The following NRG3 variants were observed in gnomAD, a reference collection of about 807,000 sequenced individuals.
NRG3 encodes pro-neuregulin-3, membrane-bound isoform.
NRG3 carries 31 observed loss-of-function variants against 66.9 expected under a neutral mutation model. The observed-to-expected ratio is 0.46, with a 90% CI of 0.35 to 0.63. The LOEUF (loss-of-function observed/expected upper bound fraction) is 0.63, where lower values mean the gene tolerates loss of function less well. NRG3 is among the 20% of genes least tolerant of loss of function. The probability of loss-of-function intolerance (pLI) is 0.00; values close to 1 mark genes in which losing one functional copy is unlikely to be tolerated. For synonymous variants in NRG3, 393 were observed against 359.4 expected, an observed-to-expected ratio of 1.09 and a Z score of -1.06; for missense variants, 910 against 878.9, an observed-to-expected ratio of 1.04 and a Z score of -0.45.
intron 1 of NRG3, among the ~76,000 whole-genome samples, chr10:82,187,085 A>T (rs1290850779): frequency 6.6e-6 from 1 of 152,200 alleles, no homozygotes; most frequent in Non-Finnish European, 1.5e-5. Context: ...GTTTATTTTC[A>T]TATATTTAGT....
At chr10:82,158,060 T>C (rs1035413610) in intron 1 of NRG3, among the ~76,000 whole-genome samples, 5 of 151,694 alleles carry the variant, frequency 3.3e-5, no homozygotes, top group Admixed American at 6.6e-5. Flanking sequence ...AAAACACTCC[T>C]ATCAAGGTAG....
At position 82,453,175 on chromosome 10, in the gene NRG3, CAT is replaced by C. The variant is rs370667072; in HGVS notation, c.953+94308_953+94309del. Among the ~76,000 whole-genome samples the C allele has an allele frequency of 6.4e-4, 98 of 152,182 alleles. 1 individual carries two copies. Among genetic ancestry groups the C allele is most frequent in the African/African-American group, 2.2e-3 (91 of 41,522 alleles). On this transcript the variant is annotated intron_variant, in intron 2 of 8. Transcript: ENST00000372141. ...TATATGGGATTATATACACAAAAAA[CAT>C]GTGAGCTGAAAAATGCTACACAGAT...
At chr10:82,721,433 C>A (rs948393050) in intron 2 of NRG3, among the ~76,000 whole-genome samples, 1 of 149,880 alleles carries the variant, frequency 6.7e-6, no homozygotes, top group South Asian at 2.1e-4. Flanking sequence ...CCACCGCGCC[C>A]GGCCTTGAAA....
At chr10:82,930,655 A>G (rs12766733) in intron 4 of NRG3, among the ~76,000 whole-genome samples, 1 of 152,142 alleles carries the variant, frequency 6.6e-6, no homozygotes, top group Admixed American at 6.6e-5. Flanking sequence ...AGTTTTTTCC[A>G]TATTTTCTTT....
intron 1 of NRG3, among the ~76,000 whole-genome samples, chr10:81,991,477 A>G (rs2060737819): frequency 1.3e-5 from 2 of 152,164 alleles, no homozygotes; most frequent in African/African-American, 2.4e-5. Context: ...ATGTGAGTCT[A>G]TGGTAGAATA....
intron 3 of NRG3, among the ~76,000 whole-genome samples, chr10:82,749,568 G>A (rs988627364): frequency 2.0e-5 from 3 of 152,102 alleles, no homozygotes; most frequent in Non-Finnish European, 2.9e-5. Flanking sequence ...AGTTTTTGTA[G>A]TGTATTTCTA....
At chr10:82,232,838 C>A in intron 1 of NRG3, 1 of 717,168 alleles carries the variant, frequency 1.4e-6, no homozygotes, top group Non-Finnish European at 2.6e-6. Flanking sequence ...TAAGGCATGG[C>A]CTTTGTTGGG....
In NRG3 at chr10:82,541,312, T is replaced by C. The variant is rs112572673; in HGVS notation, c.953+182444T>C. ...TATGTAAATATATATACTCATCTTG[T>C]AGCAGGACGATCCACAGACAAGAAC... On this transcript the variant is annotated intron_variant, in intron 2 of 8. Transcript: ENST00000372141. 4.2e-3 allele frequency among the ~76,000 whole-genome samples: 639 copies of C among 152,304 alleles called. 5 individuals carry two copies. The highest frequency in any genetic ancestry group is 0.015 in the African/African-American group (621 of 41,574).
intron 1 of NRG3, among the ~76,000 whole-genome samples, chr10:82,194,852 A>G (rs543903196): frequency 1.2e-3 from 178 of 152,296 alleles, no homozygotes; most frequent in Non-Finnish European, 2.4e-3. Flanking sequence ...AGACTAAGGA[A>G]GACATATAGG....
intron 2 of NRG3, among the ~76,000 whole-genome samples, chr10:82,540,219 A>T (rs2043443894): frequency 6.6e-6 from 1 of 150,912 alleles, no homozygotes; most frequent in Admixed American, 6.6e-5. Flanking sequence ...TATCCCAGTT[A>T]TCCATGGGAT....
At chr10:82,284,994 G>A (rs916437879) in intron 1 of NRG3, among the ~76,000 whole-genome samples, 2 of 152,086 alleles carry the variant, frequency 1.3e-5, no homozygotes, top group Non-Finnish European at 1.5e-5. Flanking sequence ...ATCCCATGAG[G>A]CCATATTTAT....
At chr10:82,800,450 A>G (rs2060989017) in intron 3 of NRG3, among the ~76,000 whole-genome samples, 1 of 151,984 alleles carries the variant, frequency 6.6e-6, no homozygotes, top group South Asian at 2.1e-4. Context: ...AAGCATCCCA[A>G]TCATTAGCAC....
At chr10:82,796,415 C>T (rs1277680782) in intron 3 of NRG3, among the ~76,000 whole-genome samples, 5 of 152,096 alleles carry the variant, frequency 3.3e-5, no homozygotes, top group Non-Finnish European at 7.4e-5. Flanking sequence ...GACTCTGCAG[C>T]GAAGTCTGAA....
At chr10:82,396,395 A>G (rs1296882657) in intron 2 of NRG3, among the ~76,000 whole-genome samples, 2 of 152,146 alleles carry the variant, frequency 1.3e-5, no homozygotes, top group Non-Finnish European at 2.9e-5. Context: ...ATTTAATTCA[A>G]ATTCCACTTC....
At chr10:82,624,536 C>T (rs1376206187) in intron 2 of NRG3, among the ~76,000 whole-genome samples, 1 of 152,010 alleles carries the variant, frequency 6.6e-6, no homozygotes, top group Non-Finnish European at 1.5e-5. Flanking sequence ...ACCTCATACT[C>T]TGACTTATGA....
chr10:82,652,528 T>G (rs1422570641), intron 2 of NRG3, among the ~76,000 whole-genome samples: 1 of 152,146 alleles, frequency 6.6e-6, no homozygotes, highest in Non-Finnish European at 1.5e-5. Context: ...GTCAAGCTGC[T>G]TCTCTCCTCT....
intron 2 of NRG3, among the ~76,000 whole-genome samples, chr10:82,726,374 A>T (rs990750830): frequency 6.6e-6 from 1 of 152,148 alleles, no homozygotes; most frequent in Non-Finnish European, 1.5e-5. Flanking sequence ...CATAATTCCC[A>T]TGTCATGGGA....
intron 6 of NRG3, among the ~76,000 whole-genome samples, chr10:82,972,380 C>T (rs2132573054): frequency 6.6e-6 from 1 of 152,100 alleles, no homozygotes; most frequent in East Asian, 1.9e-4. Context: ...CAATATCTTC[C>T]AGCCATGTTG....
At chr10:81,898,066 G>A (rs182193234) in intron 1 of NRG3, among the ~76,000 whole-genome samples, 392 of 152,302 alleles carry the variant, frequency 2.6e-3, no homozygotes, top group Middle Eastern at 0.01. Flanking sequence ...ATTCTAACAT[G>A]TGGCCAGGGT....
Sources: gnomAD v4.1 joint callset for allele counts (sites outside exome capture counted in the v4.1 genomes callset) on GRCh38, gnomAD v4.1.1 for gene constraint, MANE v1.5 for transcripts, NCBI Gene and HGNC (gene_info 2026-07-23, HGNC 2026-07-21) for gene names.